PDXDC1: variants seen among roughly 807,000 people sequenced by gnomAD.
The protein encoded by PDXDC1 is pyridoxal dependent decarboxylase domain containing 1, also known as pyridoxal-dependent decarboxylase domain-containing protein 1.
In PDXDC1, 42 loss-of-function variants were observed where a neutral mutation model predicts 100.1. That is an observed-to-expected ratio of 0.42 (90% CI 0.33 to 0.54). The LOEUF is 0.54. PDXDC1 is among the 20% of genes least tolerant of loss of function. The pLI is 0.10. For missense variants in PDXDC1, 636 were observed against 979.2 expected, an observed-to-expected ratio of 0.65 and a Z score of 4.68; for synonymous variants, 260 against 371.7, an observed-to-expected ratio of 0.70 and a Z score of 3.46.
chr16:14,988,004 T>G (rs1969800202), intron 1 of PDXDC1, among the ~76,000 whole-genome samples: 1 of 152,190 alleles, frequency 6.6e-6, no homozygotes, highest in Non-Finnish European at 1.5e-5. Context: ...TTTTTTTTTT[T>G]TTTTTTTGCC....
intron 16 of PDXDC1, among the ~76,000 whole-genome samples, chr16:15,088,442 C>T (rs1387727471): frequency 6.6e-6 from 1 of 152,016 alleles, no homozygotes; most frequent in East Asian, 1.9e-4. Flanking sequence ...CACTCCAGCC[C>T]GGGTGACAGA....
At chr16:15,046,403 C>A (rs181715365) in intron 16 of PDXDC1, among the ~76,000 whole-genome samples, 4 of 152,288 alleles carry the variant, frequency 2.6e-5, no homozygotes, top group Admixed American at 6.5e-5. Flanking sequence ...GGTGTGTGAA[C>A]AGTGGTCTTG....
chr16:15,102,840 G>A (rs1470743523), intron 16 of PDXDC1, among the ~76,000 whole-genome samples: 2 of 149,850 alleles, frequency 1.3e-5, no homozygotes, highest in African/African-American at 5.0e-5. Context: ...TTGGGAGGTT[G>A]AGGTGGCAGT....
intron 16 of PDXDC1, among the ~76,000 whole-genome samples, chr16:15,082,288 T>A (rs1220476225): frequency 2.6e-5 from 4 of 152,236 alleles, no homozygotes; most frequent in African/African-American, 9.6e-5. Context: ...TTGGTGTTTG[T>A]CACACACTTC....
At chr16:15,141,700 T>C (rs2048477793), downstream of PDXDC1, among the ~76,000 whole-genome samples, 1 of 152,126 alleles carries the variant, frequency 6.6e-6, no homozygotes, top group Non-Finnish European at 1.5e-5. Context: ...CCACTGCCCA[T>C]AAGGATGGGT....
the PDXDC1 span, among the ~76,000 whole-genome samples, chr16:15,147,662 G>C: frequency 4.6e-5 from 7 of 152,152 alleles, no homozygotes; most frequent in Non-Finnish European, 1.0e-4. Context: ...AAGTAGCTGA[G>C]ACTACAGGCA....
intron 16 of PDXDC1, chr16:15,092,450 C>CA: frequency 1.0e-6 from 1 of 1,002,636 alleles, no homozygotes; most frequent in Non-Finnish European, 1.6e-6. Flanking sequence ...TTTAGTATAA[C>CA]AGCAATAGTT....
At chr16:15,041,773 A>C, downstream of PDXDC1, 2 of 871,594 alleles carry the variant, frequency 2.3e-6, no homozygotes, top group Non-Finnish European at 3.9e-6. Context: ...ACGGCAGCCA[A>C]CTGAGTGTGC....
chr16:15,094,286 C>A, intron 16 of PDXDC1: 1 of 1,404,296 alleles, frequency 7.1e-7, no homozygotes, highest in Non-Finnish European at 9.8e-7. Flanking sequence ...CAGCTCCTTC[C>A]AGCCACAGCC....
At chr16:15,148,902 G>A in the PDXDC1 span, among the ~76,000 whole-genome samples, 3 of 152,084 alleles carry the variant, frequency 2.0e-5, no homozygotes, top group South Asian at 2.1e-4. Flanking sequence ...AGGAGTGAGC[G>A]TGTGACTTCT....
chr16:15,085,285 A>G (rs1170435474), intron 16 of PDXDC1, among the ~76,000 whole-genome samples: 4 of 152,086 alleles, frequency 2.6e-5, no homozygotes, highest in African/African-American at 7.2e-5. Context: ...CATTTGTTGC[A>G]GTCTACTTAT....
intron 16 of PDXDC1, among the ~76,000 whole-genome samples, chr16:15,070,560 T>C (rs986815509): frequency 4.6e-5 from 7 of 152,054 alleles, no homozygotes; most frequent in Non-Finnish European, 7.4e-5. Context: ...CTTAAGGTGA[T>C]TGGCCAAACA....
chr16:15,085,790 G>T (rs1485709376), intron 16 of PDXDC1: 2 of 1,519,676 alleles, frequency 1.3e-6, no homozygotes, highest in African/African-American at 2.8e-5. Flanking sequence ...ACAATGAACA[G>T]CTATAAAAAA....
chr16:15,042,070 G>A (rs1397977980), downstream of PDXDC1, among the ~76,000 whole-genome samples: 1 of 152,064 alleles, frequency 6.6e-6, no homozygotes, highest in Non-Finnish European at 1.5e-5. Flanking sequence ...AAATACAAGA[G>A]AACATAAGGA....
chr16:15,019,837 G>A (rs2042043020), intron 12 of PDXDC1, among the ~76,000 whole-genome samples: 1 of 152,410 alleles, frequency 6.6e-6, no homozygotes, highest in East Asian at 1.9e-4. Context: ...AACAGGCTGG[G>A]CATGGTGGCT....
intron 16 of PDXDC1, among the ~76,000 whole-genome samples, chr16:15,101,491 A>G (rs1238365205): frequency 6.6e-6 from 1 of 151,692 alleles, no homozygotes; most frequent in Non-Finnish European, 1.5e-5. Flanking sequence ...TGTTTTTTGT[A>G]GAGATGGGGT....
chr16:15,009,422 T>C, intron 7 of PDXDC1: 2 of 591,658 alleles, frequency 3.4e-6, no homozygotes, highest in Non-Finnish European at 5.6e-6. Context: ...CATTTAAATG[T>C]AAATGTTTAA....
chr16:15,013,389 G>A (rs1356275853), intron 8 of PDXDC1, among the ~76,000 whole-genome samples: 3 of 150,216 alleles, frequency 2.0e-5, no homozygotes, highest in Non-Finnish European at 4.4e-5. Flanking sequence ...AAAAACTACA[G>A]TGACAGAAGC....
At position 15,086,114 on chromosome 16, in the gene PDXDC1, C is replaced by A. The variant is rs1334924823; in HGVS notation, c.1400-52765C>A. ...AAGTATTAAAAAGAAAATAAAATTCCAAGCAATGACTTACGAGGCACAAAA... is the reference window on the plus strand; with the variant it reads ...AAGTATTAAAAAGAAAATAAAATTCAAAGCAATGACTTACGAGGCACAAAA... On this transcript the variant is annotated intron_variant, in intron 16 of 16. Coordinates refer to the PDXDC1 transcript ENST00000535621. 3 of 1,604,726 alleles carry A rather than the reference C, an allele frequency of 1.9e-6. No individual in the cohort carries two copies. In the Admixed American group the frequency reaches 5.1e-5, roughly 27 times the overall value.
Sources: allele counts gnomAD v4.1 joint callset (sites outside exome capture counted in the v4.1 genomes callset), GRCh38; gene constraint gnomAD v4.1.1; transcripts MANE v1.5; gene names NCBI Gene and HGNC (gene_info 2026-07-23, HGNC 2026-07-21).